The following KRI1 variants were observed in gnomAD, a reference collection of about 807,000 sequenced individuals.
KRI1 encodes the protein protein KRI1 homolog.
A neutral mutation model predicts 97.0 loss-of-function variants in KRI1; 83 were observed. The ratio of observed to expected loss-of-function variants is 0.86; its 90% confidence interval spans 0.72 to 1.03. The LOEUF is 1.03. Ranked by LOEUF, KRI1 falls within the 50% of genes least tolerant of loss-of-function variation. The probability of loss-of-function intolerance (pLI) is 0.00; values close to 1 mark genes in which losing one functional copy is unlikely to be tolerated. For missense variants in KRI1, 916 were observed against 928.4 expected, an observed-to-expected ratio of 0.99 and a Z score of 0.17; for synonymous variants, 371 against 363.5, an observed-to-expected ratio of 1.02 and a Z score of -0.23.
Position 10,559,799 on chromosome 19 carries a change from C to G in KRI1, c.927+11G>C, listed in dbSNP as rs745911687. The G allele has an allele frequency of 5.6e-6, 9 of 1,613,810 alleles. No individual in the cohort carries two copies. Among genetic ancestry groups the G allele is most frequent in the Non-Finnish European group, 6.8e-6 (8 of 1,179,904 alleles). ...CTGGGGGCTGAGTCCTCCCCAGCCC[C>G]AGCCACACACCGATGCTGAGTCCGG... is the stretch of plus-strand genomic sequence containing the variant. On this transcript the variant is annotated intron_variant, in intron 10 of 18. Coordinates refer to ENST00000312962, the MANE Select transcript of KRI1 (RefSeq NM_023008.5).
rs779848502 is a variant in KRI1 at position 10,559,358 on chromosome 19, C to A, written c.1194+1G>T. On this transcript the variant is annotated splice_donor_variant, in intron 12 of 18. Transcript: ENST00000312962. LOFTEE classifies it high-confidence loss of function. ...ATGTTGGGCCGGGATGAGGGCCGCACCTGCATGAGCTGGTCGTGCTGGGCA... is the reference window on the plus strand; with the variant it reads ...ATGTTGGGCCGGGATGAGGGCCGCAACTGCATGAGCTGGTCGTGCTGGGCA... The A allele has an allele frequency of 1.8e-5, 29 of 1,612,608 alleles. No homozygotes were observed. In the South Asian group the frequency reaches 2.9e-4, roughly 16 times the overall value.
At chr19:10,564,153 A>AAAAAAAG (rs1036110250) in intron 3 of KRI1, among the ~76,000 whole-genome samples, 9 of 150,118 alleles carry the variant, frequency 6.0e-5, no homozygotes, top group African/African-American at 2.2e-4. Flanking sequence ...TCTCAAAAAA[A>AAAAAAAG]AAAAAAGAAA....
chr19:10,565,146 G>A, intron 2 of KRI1, 112 bp from the exon 3 acceptor site: 3 of 744,490 alleles, frequency 4.0e-6, no homozygotes, highest in Non-Finnish European at 7.0e-6. Context: ...GGATCTGGCT[G>A]GGGAGGTCAA....
chr19:10,558,361 C>T, intron 12 of KRI1, 122 bp from the exon 13 acceptor site: 1 of 824,884 alleles, frequency 1.2e-6, no homozygotes, highest in South Asian at 1.5e-5. Flanking sequence ...CTCCCTACAG[C>T]CCTCCCAGCA....
rs201776390 is a variant in KRI1, at chr19:10,561,118, A to T, written c.586-38T>A. Reference sequence around the variant, plus strand: ...TAGCACTGAGCATCCGCAGATGCCCAGCCACCCGCCACCCTGTCCCCCAGC... The same window carrying T: ...TAGCACTGAGCATCCGCAGATGCCCTGCCACCCGCCACCCTGTCCCCCAGC... On this transcript the variant is annotated intron_variant, in intron 7 of 18. Transcript: ENST00000312962. The T allele has an allele frequency of 1.5e-5, 24 of 1,612,820 alleles. No homozygotes were observed. In the East Asian group the frequency reaches 5.3e-4, roughly 36 times the overall value.
intron 16 of KRI1, among the ~76,000 whole-genome samples, chr19:10,555,836 G>T (rs952583332): frequency 6.6e-6 from 1 of 152,170 alleles, no homozygotes; most frequent in Admixed American, 6.5e-5. Context: ...GAAAATGGTC[G>T]TGCACCTTCA....
chr19:10,559,635 T>G lies in KRI1; in HGVS notation c.1001A>C (p.Glu334Ala). ...CACCCTCTTCTTTCGCTCCCGAGTC[T>G]CTTCCCTCTTCTCCTTTCTGCGCTC... ...KDERRKEKRE[E>A]TRERKKREKA... is the part of the protein sequence containing the mutation. The change falls in exon 11 of 19, where the codon GAG becomes GCG. Residue 334 changes from glutamate to alanine, a missense_variant. Physicochemically the swap from Glu to Ala is moderately radical, Grantham distance 107. Transcript: ENST00000312962. 2.5e-6 allele frequency: 4 copies of G among 1,614,048 alleles called. No individual in the cohort carries two copies. The highest frequency in any genetic ancestry group is 3.4e-6 in the Non-Finnish European group (4 of 1,180,012).
rs750398539 is a variant in KRI1, at chr19:10,557,960, C to G, written c.1359+12G>C. 9.3e-6 allele frequency: 15 copies of G among 1,613,938 alleles called. No individual in the cohort carries two copies. The Admixed American group carries it at 1.7e-4, about 18-fold the overall frequency. Reference sequence around the variant, plus strand: ...CAGGGCCCCTGGGACTCCCTCAACCCGTGATACCTACGTTGAAGTTGGGGT... The same window carrying G: ...CAGGGCCCCTGGGACTCCCTCAACCGGTGATACCTACGTTGAAGTTGGGGT... On this transcript the variant is annotated intron_variant, in intron 14 of 18. Transcript: ENST00000312962.
chr19:10,564,802 A>G, intron 3 of KRI1, 127 bp downstream of exon 3: 1 of 737,696 alleles, frequency 1.4e-6, no homozygotes, highest in African/African-American at 1.8e-5. Flanking sequence ...TGCTACCGTT[A>G]GATATACTTT....
Position 10,560,869 on chromosome 19 carries a change from C to G in KRI1, c.663+134G>C, listed in dbSNP as rs1025887512. ...GTGAACCACGGCACCCAGCCTATCC[C>G]CATTTAAAGAGATGTAGGAGCTGAG... On this transcript the variant is annotated intron_variant, in intron 8 of 18. Transcript: ENST00000312962. 6 of 702,316 alleles carry G rather than the reference C, an allele frequency of 8.5e-6. No homozygotes were observed. In the South Asian group the frequency reaches 1.0e-4, roughly 12 times the overall value. 43.5% of individuals were successfully genotyped at this position (702,316 alleles called of 1,614,324 possible).
chr19:10,564,041 G>A (rs965213594), intron 3 of KRI1, among the ~76,000 whole-genome samples: 4 of 151,890 alleles, frequency 2.6e-5, no homozygotes, highest in Admixed American at 6.6e-5. Flanking sequence ...AGCTACTCCG[G>A]AGGCTGAGGC....
chr19:10,565,632 G>A, intron 2 of KRI1, 85 bp downstream of exon 2: 1 of 1,467,838 alleles, frequency 6.8e-7, no homozygotes, highest in Non-Finnish European at 9.0e-7. Context: ...TGGGGTTGGG[G>A]GTTCCCCCCC....
chr19:10,561,897 C>T (rs150754292), intron 4 of KRI1, 52 bp from the exon 5 acceptor site: 13 of 1,552,882 alleles, frequency 8.4e-6, no homozygotes, highest in Middle Eastern at 1.8e-4. Flanking sequence ...GCCCGCCTGT[C>T]CCCATGCCCA....
chr19:10,558,704 G>A lies in KRI1; in HGVS notation c.1195-465C>T, dbSNP rs542002439. The stretch of plus-strand genomic sequence containing the variant: ...ATTACAGGCATGTGCCACCACGCCC[G>A]GCTAAGATCTTTTTTTTTTGAGACA... On this transcript the variant is annotated intron_variant, in intron 12 of 18. Coordinates refer to ENST00000312962, the MANE Select transcript of KRI1 (RefSeq NM_023008.5). 1.4e-3 allele frequency among the ~76,000 whole-genome samples: 214 copies of A among 151,906 alleles called. 1 individual carries two copies. The highest frequency in any genetic ancestry group is 4.5e-3 in the Admixed American group (69 of 15,256).
chr19:10,554,397 G>T, intron 18 of KRI1, 116 bp from the exon 19 acceptor site: 1 of 856,182 alleles, frequency 1.2e-6, no homozygotes, highest in Non-Finnish European at 1.8e-6. Context: ...CAGCCGCACA[G>T]CGACCGAGGG....
intron 18 of KRI1, 50 bp downstream of exon 18, chr19:10,555,037 C>T (rs370414005): frequency 2.2e-5 from 32 of 1,472,506 alleles, no homozygotes; most frequent in Non-Finnish European, 3.0e-5. Flanking sequence ...AGACTCAAGC[C>T]TGGGCCTGAC....
At chr19:10,555,726 T>C (rs8113381) in intron 16 of KRI1, among the ~76,000 whole-genome samples, 32,541 of 152,148 alleles carry the variant, frequency 0.21, 3,615 homozygotes, top group Middle Eastern at 0.29. Flanking sequence ...TCCCAGCCTC[T>C]AGGCCTGTTT....
chr19:10,553,861 C>T lies in KRI1; in HGVS notation c.*90G>A, dbSNP rs932116931. The T allele has an allele frequency of 9.1e-7, 1 of 1,102,696 alleles. No individual in the cohort carries two copies. The highest frequency in any genetic ancestry group is 1.3e-6 in the Non-Finnish European group (1 of 796,418). 68.3% of individuals were successfully genotyped at this position (1,102,696 alleles called of 1,614,324 possible). A position where few individuals can be genotyped will look rare whatever the true frequency, so the allele number is the denominator to read the frequency against. ...CGTGCCTGGCCACAGATGAGAGGAT[C>T]TCTGCAGCAGATAGTACTTGTGGGT... is the stretch of plus-strand genomic sequence containing the variant. On this transcript the variant is annotated 3_prime_UTR_variant, in exon 19 of 19. Coordinates refer to ENST00000312962, the MANE Select transcript of KRI1 (RefSeq NM_023008.5).
At chr19:10,559,245 T>C (rs1916613616) in intron 12 of KRI1, 114 bp downstream of exon 12, 2 of 1,149,250 alleles carry the variant, frequency 1.7e-6, no homozygotes, top group Non-Finnish European at 2.5e-6. Flanking sequence ...CCTCAGGTGA[T>C]CTGCCTGCCT....
Sources: allele counts gnomAD v4.1 joint callset (sites outside exome capture counted in the v4.1 genomes callset), GRCh38; gene constraint gnomAD v4.1.1; transcripts MANE v1.5; gene names NCBI Gene and HGNC (gene_info 2026-07-23, HGNC 2026-07-21).